P2RX5: variants seen among roughly 807,000 people sequenced by gnomAD.
P2RX5 encodes P2X purinoceptor 5.
Under a neutral mutation model 54.1 loss-of-function variants are expected in P2RX5, and 46 were observed. That is an observed-to-expected ratio of 0.85 (90% CI 0.67 to 1.09). P2RX5 has a LOEUF of 1.09. Ranked by LOEUF, P2RX5 falls within the 50% of genes least tolerant of loss-of-function variation. The pLI, the probability that P2RX5 is intolerant of heterozygous loss-of-function variation, is 0.00. For missense variants in P2RX5, 566 were observed against 549.8 expected (o/e 1.03, Z -0.29); for synonymous variants, 226 against 226.4 (o/e 1.00, Z 0.02).
At chr17:3,683,729 CAAAAAAAAA>C (rs59622313) in intron 9 of P2RX5, among the ~76,000 whole-genome samples, 2 of 58,598 alleles carry the variant, frequency 3.4e-5, no homozygotes, top group African/African-American at 5.5e-5. Flanking sequence ...GACTCCGTCT[CAAAAAAAAA>C]AAAAAAAAAA....
At chr17:3,691,868 G>C in intron 1 of P2RX5, 74 bp from the exon 2 acceptor site, 1 of 1,510,416 alleles carries the variant, frequency 6.6e-7, no homozygotes, top group Non-Finnish European at 9.2e-7. Flanking sequence ...GCCTTGGGGT[G>C]GGGTAGCAGT....
the P2RX5 span, chr17:3,714,798 C>T: frequency 9.5e-7 from 1 of 1,051,936 alleles, no homozygotes; most frequent in Middle Eastern, 2.0e-4. Flanking sequence ...GATGCTGGGT[C>T]TCCAAGTCCC....
At chr17:3,680,343 G>T (rs1238133742) in intron 10 of P2RX5, among the ~76,000 whole-genome samples, 1 of 59,242 alleles carries the variant, frequency 1.7e-5, no homozygotes, top group Non-Finnish European at 3.6e-5. Context: ...TCCACCCTGC[G>T]TCCTCCACCC....
chr17:3,700,461 A>G (rs914516528), upstream of P2RX5, among the ~76,000 whole-genome samples: 2 of 151,464 alleles, frequency 1.3e-5, no homozygotes, highest in Non-Finnish European at 2.9e-5. Context: ...TGAACTCGGG[A>G]GGCGGAGCTT....
the P2RX5 span, among the ~76,000 whole-genome samples, chr17:3,711,204 T>C: frequency 6.6e-6 from 1 of 152,128 alleles, no homozygotes; most frequent in South Asian, 2.1e-4. Context: ...TACAGGATAG[T>C]GAGTGCAGAT....
chr17:3,707,239 G>T, the P2RX5 span, among the ~76,000 whole-genome samples: 1 of 152,152 alleles, frequency 6.6e-6, no homozygotes, highest in Non-Finnish European at 1.5e-5. Context: ...TGTAGAATTC[G>T]ACTTTTCTGT....
the P2RX5 span, among the ~76,000 whole-genome samples, chr17:3,714,418 G>C: frequency 6.9e-6 from 1 of 145,136 alleles, no homozygotes; most frequent in Non-Finnish European, 1.5e-5. Context: ...AGTAGAGATG[G>C]GGTTTCACCA....
In P2RX5 at chr17:3,688,724, A is replaced by G; in HGVS notation, c.789T>C (p.Cys263=). ...GVIGINIEWN[C]DLDKAASECH... is the part of the protein sequence containing the mutation. ...ACTCAGAGGCAGCTTTATCAAGATC[A>G]CAGTTCCATTCAATATTAATTCCTA... Residue 263 remains cysteine, a synonymous_variant, in exon 8 of 12, where the codon TGT becomes TGC. Transcript: ENST00000225328. 1 of 1,613,832 alleles carries G rather than the reference A, an allele frequency of 6.2e-7. No individual in the cohort carries two copies. The highest frequency in any genetic ancestry group is 8.5e-7 in the Non-Finnish European group (1 of 1,179,726).
intron 1 of P2RX5, among the ~76,000 whole-genome samples, chr17:3,692,537 G>A (rs2050647158): frequency 6.6e-6 from 1 of 151,898 alleles, no homozygotes; most frequent in East Asian, 2.0e-4. Flanking sequence ...AAACTGAGGG[G>A]CATTCTACAA....
At chr17:3,721,260 CTTTTTTTTTTTTT>C in the P2RX5 span, among the ~76,000 whole-genome samples, 3 of 46,200 alleles carry the variant, frequency 6.5e-5, no homozygotes, top group South Asian at 1.2e-3. Context: ...GAGATTTTTC[CTTTTTTTTTTTTT>C]TTTTTTTTTT....
chr17:3,699,870 AAAGAAAGGAAGGAAGGAAGGAAGGAAGG>A (rs2050803666), upstream of P2RX5, among the ~76,000 whole-genome samples: 8 of 27,094 alleles, frequency 3.0e-4, no homozygotes, highest in Non-Finnish European at 1.0e-3. Context: ...AGAAAGAAAG[AAAGAAAGGAAGGAAGGAAGGAAGGAAGG>A]AAGGAAGGAA....
chr17:3,722,127 C>T, the P2RX5 span, among the ~76,000 whole-genome samples: 3 of 133,082 alleles, frequency 2.3e-5, no homozygotes, highest in South Asian at 2.4e-4. Context: ...TGCAGTGAGC[C>T]GAGATCGTGC....
intron 10 of P2RX5, 22 bp from the exon 11 acceptor site, chr17:3,679,806 C>G: frequency 1.2e-6 from 2 of 1,603,556 alleles, no homozygotes; most frequent in Non-Finnish European, 1.7e-6. Flanking sequence ...ACAAGCTGTT[C>G]ACCTGGGACG....
At chr17:3,707,275 C>T in the P2RX5 span, among the ~76,000 whole-genome samples, 1 of 152,102 alleles carries the variant, frequency 6.6e-6, no homozygotes, top group Admixed American at 6.6e-5. Context: ...CGTAATGCAA[C>T]GTTTGGGAAA....
At chr17:3,696,363 A>C (rs2050759162), upstream of P2RX5, 1 of 180,090 alleles carries the variant, frequency 5.6e-6, no homozygotes, top group Non-Finnish European at 1.1e-5. Flanking sequence ...GATGCGCAGG[A>C]CCGCCCTGTG....
Position 3,685,222 on chromosome 17 carries a change from C to G in P2RX5, c.981+2790G>C, listed in dbSNP as rs368348531. Among the ~76,000 whole-genome samples the G allele has an allele frequency of 4.6e-5, 7 of 152,300 alleles. No individual in the cohort carries two copies. In the East Asian group the frequency reaches 1.3e-3, roughly 29 times the overall value. ...GACTCACCTGGGATCCCAGGGATAT[C>G]CCAGCCACGCCTCGGCTGGGGACTG... is the stretch of plus-strand genomic sequence containing the variant. On this transcript the variant is annotated intron_variant, in intron 9 of 11. Coordinates refer to ENST00000225328, the MANE Select transcript of P2RX5 (RefSeq NM_002561.4).
At chr17:3,684,331 C>T (rs192935327) in intron 9 of P2RX5, among the ~76,000 whole-genome samples, 3 of 152,348 alleles carry the variant, frequency 2.0e-5, no homozygotes, top group African/African-American at 7.2e-5. Context: ...GGGCTGGGCG[C>T]GGTGGCTCAC....
intron 7 of P2RX5, 106 bp from the exon 8 acceptor site, chr17:3,688,865 C>G (rs2050522616): frequency 7.5e-7 from 1 of 1,328,296 alleles, no homozygotes; most frequent in African/African-American, 1.4e-5. Flanking sequence ...GGTGCTCAGG[C>G]ACGAGGTCAG....
the P2RX5 span, among the ~76,000 whole-genome samples, chr17:3,707,534 C>T: frequency 6.6e-6 from 1 of 152,152 alleles, no homozygotes; most frequent in Non-Finnish European, 1.5e-5. Flanking sequence ...TCATTCATCC[C>T]AGCACTCCAA....
Sources: allele counts gnomAD v4.1 joint callset (sites outside exome capture counted in the v4.1 genomes callset), GRCh38; gene constraint gnomAD v4.1.1; transcripts MANE v1.5; gene names NCBI Gene and HGNC (gene_info 2026-07-23, HGNC 2026-07-21).